Variants in CDH13 observed in about 807,000 individuals in gnomAD.
The protein encoded by CDH13 is cadherin 13.
In CDH13, 24 loss-of-function variants were observed where a neutral mutation model predicts 63.8. The ratio of observed to expected loss-of-function variants is 0.38; its 90% CI spans 0.27 to 0.53. The LOEUF (loss-of-function observed/expected upper bound fraction) is 0.53, where lower values mean the gene tolerates loss of function less well. Ranked by LOEUF, CDH13 falls within the 20% of genes least tolerant of loss-of-function variation. CDH13 has a pLI of 0.85. For synonymous variants in CDH13, 503 were observed against 355.3 expected, an observed-to-expected ratio of 1.42 and a Z score of -4.67; for missense variants, 1,049 against 903.1, an observed-to-expected ratio of 1.16 and a Z score of -2.07.
chr16:83,356,292 C>A (rs1389254807), intron 6 of CDH13, among the ~76,000 whole-genome samples: 5 of 149,924 alleles, frequency 3.3e-5, no homozygotes, highest in Non-Finnish European at 7.4e-5. Context: ...GAGAAAACCA[C>A]CAACCTTCCT....
At chr16:83,031,096 GTATGTGTACA>G (rs2151471822) in intron 2 of CDH13, among the ~76,000 whole-genome samples, 1 of 148,890 alleles carries the variant, frequency 6.7e-6, no homozygotes, top group East Asian at 2.0e-4. Flanking sequence ...TGGTGCATGC[GTATGTGTACA>G]TATGTGTACA....
intron 2 of CDH13, among the ~76,000 whole-genome samples, chr16:82,918,936 T>A (rs2042075553): frequency 6.6e-6 from 1 of 152,230 alleles, no homozygotes; most frequent in African/African-American, 2.4e-5. Context: ...ACTATGCATT[T>A]TTATCAACCA....
At chr16:82,841,038 G>A (rs1262731554) in intron 1 of CDH13, among the ~76,000 whole-genome samples, 1 of 152,226 alleles carries the variant, frequency 6.6e-6, no homozygotes, top group African/African-American at 2.4e-5. Flanking sequence ...CAACTGTGAT[G>A]ACAGAAGGCA....
At chr16:83,455,852 C>T (rs2073011019) in intron 6 of CDH13, among the ~76,000 whole-genome samples, 1 of 152,184 alleles carries the variant, frequency 6.6e-6, no homozygotes, top group Non-Finnish European at 1.5e-5. Context: ...TCTGTGCTAG[C>T]TGGAAACAAA....
chr16:83,139,702 A>G (rs942693328), intron 4 of CDH13, among the ~76,000 whole-genome samples: 1 of 152,152 alleles, frequency 6.6e-6, no homozygotes, highest in African/African-American at 2.4e-5. Context: ...ACATTGAAAA[A>G]TAATAATATA....
intron 2 of CDH13, among the ~76,000 whole-genome samples, chr16:82,977,117 TC>T (rs1424705434): frequency 1.3e-5 from 2 of 152,242 alleles, no homozygotes; most frequent in Non-Finnish European, 2.9e-5. Context: ...GCTAAAGGCT[TC>T]CACACCAATG....
At chr16:83,690,337 G>T (rs1904728313) in intron 10 of CDH13, among the ~76,000 whole-genome samples, 1 of 152,188 alleles carries the variant, frequency 6.6e-6, no homozygotes, top group East Asian at 1.9e-4. Flanking sequence ...TCTAGATAGA[G>T]GGTCAGCAGA....
At chr16:82,985,744 G>A (rs1910854845) in intron 2 of CDH13, among the ~76,000 whole-genome samples, 1 of 152,118 alleles carries the variant, frequency 6.6e-6, no homozygotes, top group Non-Finnish European at 1.5e-5. Context: ...ATTGGAGGTG[G>A]GACCTGGTGG....
At position 83,098,384 on chromosome 16, in the gene CDH13, T is replaced by C. The variant is rs186812901; in HGVS notation, c.367-27001T>C. ...TGCTATTATTTTTTACTTTAAACAA[T>C]CAATTTTCCTTCTAAACATAGAAAA... On this transcript the variant is annotated intron_variant, in intron 3 of 13. Transcript: ENST00000567109. Among the ~76,000 whole-genome samples the C allele has an allele frequency of 7.3e-4, 111 of 152,298 alleles. 1 individual carries two copies. The highest frequency in any genetic ancestry group is 2.6e-3 in the African/African-American group (108 of 41,568).
At chr16:83,423,578 G>A (rs563392686) in intron 6 of CDH13, among the ~76,000 whole-genome samples, 22 of 152,162 alleles carry the variant, frequency 1.4e-4, no homozygotes, top group African/African-American at 5.1e-4. Flanking sequence ...TGATTTTCAG[G>A]TTTCCTATTA....
At chr16:83,484,760 A>G (rs1368643043) in intron 6 of CDH13, among the ~76,000 whole-genome samples, 1 of 152,248 alleles carries the variant, frequency 6.6e-6, no homozygotes, top group East Asian at 1.9e-4. Flanking sequence ...ACATGTGAAT[A>G]AAGTATTGTG....
chr16:83,729,852 A>G (rs1439166659), intron 10 of CDH13, among the ~76,000 whole-genome samples: 2 of 152,286 alleles, frequency 1.3e-5, no homozygotes, highest in Non-Finnish European at 1.5e-5. Flanking sequence ...GCAGCAGCAA[A>G]TCTGTTTGGG....
In CDH13 at chr16:83,216,427, T is replaced by TATATATAAATATATATATAA; in HGVS notation, c.484-911_484-910insAATATATATATAAATATATA. ...ATATATATATATATATATATATATA[T>TATATATAAATATATATATAA]ATATATATATATATATACACAACCC... On this transcript the variant is annotated intron_variant, in intron 4 of 13. Coordinates refer to ENST00000567109, the MANE Select transcript of CDH13 (RefSeq NM_001257.5). Among the ~76,000 whole-genome samples, 2 of 45,056 alleles carry TATATATAAATATATATATAA rather than the reference T, an allele frequency of 4.4e-5. 1 individual carries two copies. Among genetic ancestry groups the TATATATAAATATATATATAA allele is most frequent in the Non-Finnish European group, 9.9e-5 (2 of 20,142 alleles). 29.6% of individuals were successfully genotyped at this position (45,056 alleles called of 152,430 possible). A position where few individuals can be genotyped will look rare whatever the true frequency, so the allele number is the denominator to read the frequency against.
At chr16:83,234,440 G>C (rs1597568800) in intron 5 of CDH13, among the ~76,000 whole-genome samples, 2 of 152,288 alleles carry the variant, frequency 1.3e-5, no homozygotes, top group South Asian at 2.1e-4. Flanking sequence ...TAGGTGATTA[G>C]ATGGAGGGTA....
intron 5 of CDH13, among the ~76,000 whole-genome samples, chr16:83,312,637 G>C (rs1414565921): frequency 1.3e-5 from 2 of 152,132 alleles, no homozygotes; most frequent in Non-Finnish European, 1.5e-5. Context: ...AACACAGAGA[G>C]GTAATGGCCA....
chr16:83,258,461 T>G (rs1057488871), intron 5 of CDH13, among the ~76,000 whole-genome samples: 12 of 152,180 alleles, frequency 7.9e-5, no homozygotes, highest in Admixed American at 3.3e-4. Flanking sequence ...GATATGCCAG[T>G]AAAACCCGAG....
intron 6 of CDH13, among the ~76,000 whole-genome samples, chr16:83,458,153 G>T (rs2073074419): frequency 6.6e-6 from 1 of 152,190 alleles, no homozygotes; most frequent in Admixed American, 6.5e-5. Flanking sequence ...GGACGTCTCT[G>T]TCTTCCTGTG....
intron 6 of CDH13, among the ~76,000 whole-genome samples, chr16:83,451,972 C>G (rs2072898716): frequency 1.3e-5 from 2 of 152,236 alleles, no homozygotes; most frequent in African/African-American, 4.8e-5. Flanking sequence ...TCTGTTTAAT[C>G]TTTGCTTTTC....
rs562522243 is a variant in CDH13 at position 83,584,151 on chromosome 16, A to G, written c.961-18303A>G. On this transcript the variant is annotated intron_variant, in intron 7 of 13. Coordinates refer to ENST00000567109, the MANE Select transcript of CDH13 (RefSeq NM_001257.5). ...AAGACCATCTTGGCTAACATGGTGA[A>G]ACCCCATCTCTACTAAAAATACAAA... is the stretch of plus-strand genomic sequence containing the variant. Among the ~76,000 whole-genome samples the G allele has an allele frequency of 8.5e-5, 13 of 152,194 alleles. No individual in the cohort carries two copies. The South Asian group carries it at 2.7e-3, about 32-fold the overall frequency.
Sources: allele counts gnomAD v4.1 joint callset (sites outside exome capture counted in the v4.1 genomes callset), GRCh38; gene constraint gnomAD v4.1.1; transcripts MANE v1.5; gene names NCBI Gene and HGNC (gene_info 2026-07-23, HGNC 2026-07-21).